SYT2: variants seen among roughly 807,000 people sequenced by gnomAD.
SYT2 encodes the protein synaptotagmin-2.
SYT2 carries 15 observed loss-of-function variants against 39.9 expected under a neutral mutation model. That is an observed-to-expected ratio of 0.38 (90% CI 0.25 to 0.58). SYT2 has a LOEUF of 0.58. Ranked by LOEUF, SYT2 falls within the 20% of genes least tolerant of loss-of-function variation. The pLI is 0.70. For synonymous variants in SYT2, 181 were observed against 204.5 expected, an observed-to-expected ratio of 0.89 and a Z score of 0.98; for missense variants, 389 against 530.3, an observed-to-expected ratio of 0.73 and a Z score of 2.62.
In SYT2 at chr1:202,628,439, C is replaced by T. The variant is rs1260298493; in HGVS notation, c.-17-22650G>A. On this transcript the variant is annotated intron_variant, in intron 1 of 8. Transcript: ENST00000367268. This position sits in a 1 kb window ranked among gnomAD's most constrained non-coding sequence, Gnocchi z 4.2. ...AGTCTGGTCCTCCCGTTTCCAAGAG[C>T]GCCTCCATCCTTCCAGGTGCTGGCC... Among the ~76,000 whole-genome samples the T allele has an allele frequency of 6.6e-6, 1 of 152,168 alleles. No homozygotes were observed. The highest frequency in any genetic ancestry group is 1.9e-4 in the East Asian group (1 of 5,190).
intron 1 of SYT2, among the ~76,000 whole-genome samples, chr1:202,696,565 C>T (rs749535313): frequency 2.0e-5 from 3 of 152,204 alleles, no homozygotes; most frequent in Non-Finnish European, 4.4e-5. Context: ...AGGGCAGGAA[C>T]TGTCTGTTCC....
chr1:202,613,093 T>A (rs1433925210), intron 1 of SYT2, among the ~76,000 whole-genome samples: 1 of 88,388 alleles, frequency 1.1e-5, no homozygotes, highest in African/African-American at 3.7e-5. Context: ...TTTTTTTTTT[T>A]TTTTCCAGAC....
At chr1:202,682,526 T>C (rs1653552839) in intron 1 of SYT2, among the ~76,000 whole-genome samples, 1 of 152,158 alleles carries the variant, frequency 6.6e-6, no homozygotes, top group Non-Finnish European at 1.5e-5. Context: ...TGATTTAATC[T>C]GAACCTTAAA....
In SYT2 at chr1:202,643,028, C is replaced by A. The variant is rs374177751; in HGVS notation, c.-17-37239G>T. Among the ~76,000 whole-genome samples, 21 of 152,356 alleles carry A rather than the reference C, an allele frequency of 1.4e-4. No individual in the cohort carries two copies. In the South Asian group the frequency reaches 4.3e-3, roughly 32 times the overall value. The stretch of plus-strand genomic sequence containing the variant: ...CCGAAATAATTCAGGACACCTCCCC[C>A]GGGTCTAGCCAGGTAATTCCGACGC... On this transcript the variant is annotated intron_variant, in intron 1 of 8. Coordinates refer to ENST00000367268, the MANE Select transcript of SYT2 (RefSeq NM_177402.5).
intron 1 of SYT2, among the ~76,000 whole-genome samples, chr1:202,678,059 A>G (rs967299995): frequency 2.0e-5 from 3 of 152,150 alleles, no homozygotes; most frequent in African/African-American, 7.2e-5. Flanking sequence ...GGATCACTTG[A>G]GGTCAGGAGT....
intron 1 of SYT2, among the ~76,000 whole-genome samples, chr1:202,686,493 T>C (rs576605491): frequency 4.2e-4 from 64 of 152,194 alleles, no homozygotes; most frequent in African/African-American, 1.5e-3. Flanking sequence ...TTCTTGAAGG[T>C]GGATCCCTAA....
chr1:202,685,254 G>GA (rs1338988214), intron 1 of SYT2, among the ~76,000 whole-genome samples: 4 of 152,162 alleles, frequency 2.6e-5, no homozygotes, highest in Non-Finnish European at 4.4e-5. Flanking sequence ...TAGGTTAAGA[G>GA]AAATAGAAGA....
chr1:202,690,834 G>A lies in SYT2; in HGVS notation c.-18+19424C>T. ...GTGTAACTTGTGCTTCCTTGACCTA[G>A]AAGATAAGATCCTCTCTAAGACCCA... On this transcript the variant is annotated intron_variant, in intron 1 of 8. Coordinates refer to ENST00000367268, the MANE Select transcript of SYT2 (RefSeq NM_177402.5). Among the ~76,000 whole-genome samples the A allele has an allele frequency of 2.0e-5, 3 of 152,248 alleles. 1 individual carries two copies. The South Asian group carries it at 6.2e-4, about 32-fold the overall frequency.
At chr1:202,611,102 T>C (rs1690873077) in intron 1 of SYT2, among the ~76,000 whole-genome samples, 1 of 152,254 alleles carries the variant, frequency 6.6e-6, no homozygotes, top group African/African-American at 2.4e-5. Flanking sequence ...CATTTCATTG[T>C]AGTTTTGATT....
intron 1 of SYT2, among the ~76,000 whole-genome samples, chr1:202,668,286 C>T (rs1383521802): frequency 1.3e-5 from 2 of 152,214 alleles, no homozygotes; most frequent in African/African-American, 4.8e-5. Context: ...AGACACATGT[C>T]TGCTTCAAGT....
intron 1 of SYT2, among the ~76,000 whole-genome samples, chr1:202,658,675 GTT>G (rs35321422): frequency 3.0e-4 from 44 of 146,688 alleles, no homozygotes; most frequent in Admixed American, 1.0e-3. Context: ...TTTTTTATTA[GTT>G]TTTTTTTTTT....
intron 1 of SYT2, among the ~76,000 whole-genome samples, chr1:202,659,941 G>T (rs1247549204): frequency 1.3e-5 from 2 of 152,136 alleles, no homozygotes; most frequent in African/African-American, 4.8e-5. Context: ...AAACCCCCTG[G>T]GTCCCAGGCA....
At chr1:202,678,949 CCAATGAAA>C (rs1344021677) in intron 1 of SYT2, among the ~76,000 whole-genome samples, 2 of 152,126 alleles carry the variant, frequency 1.3e-5, no homozygotes, top group African/African-American at 4.8e-5. Context: ...CCCTTCTTAA[CCAATGAAA>C]CAGCTTTCAG....
Position 202,640,412 on chromosome 1 carries a change from G to A in SYT2, c.-17-34623C>T, listed in dbSNP as rs561033406. Among the ~76,000 whole-genome samples the A allele has an allele frequency of 2.6e-5, 4 of 152,288 alleles. No homozygotes were observed. The South Asian group carries it at 8.3e-4, about 32-fold the overall frequency. ...CCTAAGGTCACACAGCAAGTCTAGG[G>A]TAAACTTCAGTCCCGGCCATGGGGT... On this transcript the variant is annotated intron_variant, in intron 1 of 8. Transcript: ENST00000367268.
chr1:202,696,173 AC>A (rs1294927663), intron 1 of SYT2, among the ~76,000 whole-genome samples: 1 of 152,236 alleles, frequency 6.6e-6, no homozygotes, highest in African/African-American at 2.4e-5. Context: ...CACCTGGGGA[AC>A]TAGAGGCAGA....
chr1:202,600,896 G>A (rs953592026), intron 6 of SYT2, among the ~76,000 whole-genome samples: 3 of 152,132 alleles, frequency 2.0e-5, no homozygotes, highest in African/African-American at 7.2e-5. Flanking sequence ...AAGGGCCCTG[G>A]GGGACTGAAT....
At chr1:202,659,079 CA>C (rs1204258699) in intron 1 of SYT2, among the ~76,000 whole-genome samples, 1 of 152,088 alleles carries the variant, frequency 6.6e-6, no homozygotes, top group African/African-American at 2.4e-5. Context: ...GGGAAAATGA[CA>C]ACACCCCTCC....
At chr1:202,605,020 A>G (rs948923605) in intron 2 of SYT2, 1 of 180,292 alleles carries the variant, frequency 5.5e-6, no homozygotes, top group African/African-American at 2.4e-5. Context: ...CCTTGTGCCA[A>G]GTCTTGAGAG....
At chr1:202,686,646 C>A (rs1653676275) in intron 1 of SYT2, among the ~76,000 whole-genome samples, 1 of 152,180 alleles carries the variant, frequency 6.6e-6, no homozygotes, top group Admixed American at 6.5e-5. Context: ...TAGGCCTGGA[C>A]AGACAACAGC....
Sources: gnomAD v4.1 joint callset for allele counts (sites outside exome capture counted in the v4.1 genomes callset) on GRCh38, gnomAD v4.1.1 for gene constraint, Gnocchi (gnomAD v3.1) non-coding constraint, MANE v1.5 for transcripts, NCBI Gene and HGNC (gene_info 2026-07-23, HGNC 2026-07-21) for gene names.